MYH3: variants seen among roughly 807,000 people sequenced by gnomAD.
MYH3 encodes the protein myosin heavy chain 3.
MYH3 carries 130 observed loss-of-function variants against 238.0 expected under a neutral mutation model. The observed-to-expected ratio is 0.55, with a 90% CI of 0.47 to 0.63. MYH3 has a LOEUF of 0.63. MYH3 is among the 30% of genes least tolerant of loss of function. The pLI is 0.00. For synonymous variants in MYH3, 880 were observed against 924.1 expected (o/e 0.95, Z 0.86); for missense variants, 1,853 against 2,374.9 (o/e 0.78, Z 4.57).
intron 5 of MYH3, among the ~76,000 whole-genome samples, chr17:10,650,910 C>T (rs916045891): frequency 6.6e-6 from 1 of 151,906 alleles, no homozygotes; most frequent in African/African-American, 2.4e-5. Flanking sequence ...CAGTGGCAGC[C>T]GGGTGCAGTG....
the MYH3 span, among the ~76,000 whole-genome samples, chr17:10,664,710 G>C: frequency 6.6e-6 from 1 of 152,164 alleles, no homozygotes; most frequent in Non-Finnish European, 1.5e-5. Context: ...CTATGGTGGG[G>C]CAGGTGGCGG....
intron 12 of MYH3, among the ~76,000 whole-genome samples, chr17:10,645,151 C>A (rs914904477): frequency 6.6e-6 from 1 of 151,470 alleles, no homozygotes; most frequent in Non-Finnish European, 1.5e-5. Flanking sequence ...AACTCTCATG[C>A]CGGCAGGGCA....
intron 4 of MYH3, chr17:10,652,118 A>T: frequency 2.2e-6 from 1 of 458,450 alleles, no homozygotes; most frequent in Non-Finnish European, 4.0e-6. Context: ...ATAGTGAGGC[A>T]CTGAGACTCA....
the MYH3 span, among the ~76,000 whole-genome samples, chr17:10,668,343 C>T: frequency 6.6e-6 from 1 of 151,894 alleles, no homozygotes; most frequent in African/African-American, 2.4e-5. Flanking sequence ...TGTAGTGGGC[C>T]GAGATCACAC....
At chr17:10,639,825 C>T (rs1165678698) in intron 22 of MYH3, 23 bp from the exon 23 acceptor site, 8 of 1,612,998 alleles carry the variant, frequency 5.0e-6, no homozygotes, top group Non-Finnish European at 6.8e-6. Flanking sequence ...AGAATAATAA[C>T]TTCGTTGAAT....
At chr17:10,655,673 A>C (rs2074421854) in intron 2 of MYH3, among the ~76,000 whole-genome samples, 1 of 150,514 alleles carries the variant, frequency 6.6e-6, no homozygotes, top group Non-Finnish European at 1.5e-5. Flanking sequence ...TTTTTTTTTG[A>C]GATGGAGTCT....
At chr17:10,661,523 G>A (rs1016212093), upstream of MYH3, among the ~76,000 whole-genome samples, 7 of 152,108 alleles carry the variant, frequency 4.6e-5, no homozygotes, top group African/African-American at 1.7e-4. Context: ...AATCCCCACA[G>A]CCAGGGCAGA....
In MYH3 at chr17:10,629,718, G is replaced by C. The variant is rs754458917; in HGVS notation, c.5675C>G (p.Ala1892Gly). 6.2e-7 allele frequency: 1 copy of C among 1,614,236 alleles called. No individual in the cohort carries two copies. ...QAEEADEQANAHLTKFRKAQH... is the reference protein window; with the variant it reads ...QAEEADEQANGHLTKFRKAQH... ...AGCCTTTCGGAATTTGGTGAGATGA[G>C]CATTGGCTTGTTCATCCTAAAACCA... is the stretch of plus-strand genomic sequence containing the variant. Residue 1892 changes from alanine (A) to glycine (G), a missense_variant, in exon 40 of 41, where the codon GCT (alanine) becomes GGT (glycine). Around this residue, in one of 3 missense-constraint regions of MYH3, gnomAD observed 1,044 missense variants for 1,192.6 expected, o/e 0.88. Coordinates refer to ENST00000583535, the MANE Select transcript of MYH3 (RefSeq NM_002470.4).
intron 8 of MYH3, among the ~76,000 whole-genome samples, chr17:10,647,935 T>G (rs1222463092): frequency 3.3e-5 from 5 of 152,218 alleles, no homozygotes; most frequent in Admixed American, 3.3e-4. Flanking sequence ...ATTTATCCCT[T>G]TTATTCTATG....
chr17:10,636,288 C>CAAA lies in MYH3; in HGVS notation c.3857-438_3857-436dup, dbSNP rs397786526. On this transcript the variant is annotated intron_variant, in intron 28 of 40. Coordinates refer to ENST00000583535, the MANE Select transcript of MYH3 (RefSeq NM_002470.4). ...GTGAGCCAAGATCATGCCTCAATCTCAAAAAAAAAAAAAAAAAAAAAGATA... is the reference window on the plus strand; with the variant it reads ...GTGAGCCAAGATCATGCCTCAATCTCAAAAAAAAAAAAAAAAAAAAAAAAGATA... 2.0e-3 allele frequency among the ~76,000 whole-genome samples: 158 copies of CAAA among 80,698 alleles called. 1 individual carries two copies. The highest frequency in any genetic ancestry group is 2.4e-3 in the Non-Finnish European group (107 of 44,682). 52.9% of individuals were successfully genotyped at this position (80,698 alleles called of 152,430 possible).
At chr17:10,669,933 T>TA in the MYH3 span, among the ~76,000 whole-genome samples, 1 of 151,940 alleles carries the variant, frequency 6.6e-6, no homozygotes, top group African/African-American at 2.4e-5. Context: ...GAAAATAAAA[T>TA]AAAAAATCAT....
In MYH3 at chr17:10,637,824, A is replaced by G. The variant is rs753042145; in HGVS notation, c.3841T>C (p.Leu1281=). The G allele has an allele frequency of 2.9e-5, 46 of 1,614,034 alleles. No individual in the cohort carries two copies. Among genetic ancestry groups the G allele is most frequent in the Non-Finnish European group, 3.6e-5 (43 of 1,180,034 alleles). ...LSELTTQKSR[L]QTEAGELSRQ... ...CGTGGCTTACCAGCCTCGGTCTGCA[A>G]ACGAGACTTCTGTGTGGTCAGCTCG... The change falls in exon 28 of 41, where the codon TTG becomes CTG. Residue 1281 remains leucine, a synonymous_variant. Transcript: ENST00000583535.
chr17:10,663,811 C>T, the MYH3 span, among the ~76,000 whole-genome samples: 1 of 151,896 alleles, frequency 6.6e-6, no homozygotes, highest in Non-Finnish European at 1.5e-5. Flanking sequence ...ACCTGTAATC[C>T]CAGCACTTTG....
At chr17:10,638,775 A>T in intron 26 of MYH3, 98 bp downstream of exon 26, 1 of 1,257,830 alleles carries the variant, frequency 8.0e-7, no homozygotes, top group Non-Finnish European at 1.1e-6. Context: ...AGGTGGCCCC[A>T]CAGTCTTGCC....
Position 10,629,834 on chromosome 17 carries a change from T to C in MYH3, c.5658+8A>G, listed in dbSNP as rs368978437. 1.7e-4 allele frequency: 279 copies of C among 1,613,912 alleles called. No homozygotes were observed. Among genetic ancestry groups the C allele is most frequent in the Non-Finnish European group, 2.1e-4 (249 of 1,180,020 alleles). The stretch of plus-strand genomic sequence containing the variant: ...CTGCCTGCCGCAGTCAGCACCTATC[T>C]CACTTACAGCCTCCTCCGCCTGCCT... On this transcript the variant is annotated splice_region_variant and intron_variant, in intron 39 of 40. Transcript: ENST00000583535.
intron 4 of MYH3, chr17:10,652,174 C>A: frequency 1.7e-6 from 1 of 573,628 alleles, no homozygotes; most frequent in Non-Finnish European, 3.2e-6. Flanking sequence ...TCACAGCACC[C>A]CGTGACCAAG....
intron 12 of MYH3, 69 bp from the exon 13 acceptor site, chr17:10,644,771 A>G: frequency 1.5e-6 from 2 of 1,311,686 alleles, no homozygotes; most frequent in South Asian, 2.4e-5. Flanking sequence ...CAGAAGTTTC[A>G]AAGGTTGGTT....
chr17:10,669,150 G>A, the MYH3 span, among the ~76,000 whole-genome samples: 5 of 152,152 alleles, frequency 3.3e-5, no homozygotes, highest in Non-Finnish European at 2.9e-5. Context: ...GCCCCGCAGG[G>A]ATGTGAGCCC....
chr17:10,634,826 A>G lies in MYH3; in HGVS notation c.4356+14T>C. The G allele has an allele frequency of 6.2e-7, 1 of 1,614,100 alleles. No individual in the cohort carries two copies. Among genetic ancestry groups the G allele is most frequent in the South Asian group, 1.1e-5 (1 of 91,060 alleles). ...ACATCATGGCATTCACCCAGCACAC[A>G]GCGGACCCCACACCTTGTCAAAGTT... On this transcript the variant is annotated intron_variant, in intron 31 of 40. Coordinates refer to ENST00000583535, the MANE Select transcript of MYH3 (RefSeq NM_002470.4).
Sources: allele counts gnomAD v4.1 joint callset (sites outside exome capture counted in the v4.1 genomes callset), GRCh38; gene constraint gnomAD v4.1.1; regional missense constraint gnomAD v4.1.1; transcripts MANE v1.5; gene names NCBI Gene and HGNC (gene_info 2026-07-23, HGNC 2026-07-21).